FRK: variants seen among roughly 807,000 people sequenced by gnomAD.
FRK encodes tyrosine-protein kinase FRK.
FRK carries 51 observed loss-of-function variants against 56.4 expected under a neutral mutation model. That is an observed-to-expected ratio of 0.90 (90% CI 0.72 to 1.14). The LOEUF (loss-of-function observed/expected upper bound fraction) is 1.14. Among genes scored for constraint, FRK ranks in the 50% most tolerant of loss-of-function variants. The pLI is 0.00. For missense variants in FRK, 570 were observed against 601.4 expected (o/e 0.95, Z 0.55); for synonymous variants, 245 against 217.9 (o/e 1.12, Z -1.10).
Position 116,016,070 on chromosome 6 carries a change from T to C in FRK, c.345-12072A>G, listed in dbSNP as rs1049008418. Among the ~76,000 whole-genome samples, 7 of 152,328 alleles carry C rather than the reference T, an allele frequency of 4.6e-5. No individual in the cohort carries two copies. The East Asian group carries it at 9.6e-4, about 21-fold the overall frequency. ...TAAGTGACCAGGGGCCAAATGTTAA[T>C]AGCCAAGACAATGAAGAAAATGTCT... On this transcript the variant is annotated intron_variant, in intron 1 of 7. Coordinates refer to ENST00000606080, the MANE Select transcript of FRK (RefSeq NM_002031.3).
intron 1 of FRK, among the ~76,000 whole-genome samples, chr6:116,027,830 T>C (rs1441942127): frequency 6.6e-6 from 1 of 151,474 alleles, no homozygotes; most frequent in East Asian, 1.9e-4. Context: ...AACATGAGCT[T>C]TGAGTTTAAA....
At chr6:116,049,950 T>A (rs1403051507) in intron 1 of FRK, among the ~76,000 whole-genome samples, 1 of 152,176 alleles carries the variant, frequency 6.6e-6, no homozygotes, top group Non-Finnish European at 1.5e-5. Context: ...TCAGGACTGA[T>A]CTCTTCTATC....
intron 3 of FRK, 42 bp from the exon 4 acceptor site, chr6:115,967,761 AGTAGATTT>A: frequency 3.6e-6 from 5 of 1,402,938 alleles, no homozygotes; most frequent in Non-Finnish European, 4.8e-6. Flanking sequence ...AAAAAAAAAA[AGTAGATTT>A]AATATTATTT....
At chr6:116,078,702 G>C in the FRK span, among the ~76,000 whole-genome samples, 5 of 152,106 alleles carry the variant, frequency 3.3e-5, no homozygotes, top group Non-Finnish European at 2.9e-5. Context: ...AAACATTATT[G>C]ACACACTAAA....
chr6:116,028,100 C>G (rs979692857), intron 1 of FRK, among the ~76,000 whole-genome samples: 1 of 152,120 alleles, frequency 6.6e-6, no homozygotes, highest in African/African-American at 2.4e-5. Flanking sequence ...TCCCCACACA[C>G]CAAGCATTTC....
At chr6:115,976,295 T>G (rs1326353422) in intron 2 of FRK, among the ~76,000 whole-genome samples, 1 of 152,134 alleles carries the variant, frequency 6.6e-6, no homozygotes, top group Non-Finnish European at 1.5e-5. Flanking sequence ...TCTGCCCCAA[T>G]TCTACCCCAC....
In FRK at chr6:115,941,472, C is replaced by A. The variant is rs1772178741; in HGVS notation, c.*942G>T. On this transcript the variant is annotated 3_prime_UTR_variant, in exon 8 of 8. Transcript: ENST00000606080. ...CAAAACTGCACATTCTGCACATGCA[C>A]CCCAGAACTTAAACTATAATAAAAA... is the stretch of plus-strand genomic sequence containing the variant. 1 of 152,000 alleles carries A rather than the reference C, an allele frequency of 6.6e-6. No individual in the cohort carries two copies. The highest frequency in any genetic ancestry group is 1.5e-5 in the Non-Finnish European group (1 of 67,994). The allele number at this position is 152,000 out of a possible 1,614,324, so 9.4% of individuals were successfully genotyped here.
At chr6:115,989,757 G>C (rs1024402231) in intron 2 of FRK, among the ~76,000 whole-genome samples, 3 of 151,854 alleles carry the variant, frequency 2.0e-5, no homozygotes, top group Non-Finnish European at 2.9e-5. Context: ...TACAGGTGCA[G>C]GTGTCTTTTT....
intron 1 of FRK, among the ~76,000 whole-genome samples, chr6:116,015,089 C>T (rs377116434): frequency 6.6e-6 from 1 of 152,150 alleles, no homozygotes; most frequent in East Asian, 1.9e-4. Flanking sequence ...ATCACTTATT[C>T]ATTTTTTATT....
chr6:115,951,270 AAAAGTAT>A (rs1281294899), intron 5 of FRK, among the ~76,000 whole-genome samples: 1 of 152,206 alleles, frequency 6.6e-6, no homozygotes, highest in Admixed American at 6.5e-5. Context: ...TTTAAAGAAA[AAAAGTAT>A]ATACATGATC....
In FRK at chr6:115,943,086, A is replaced by T; in HGVS notation, c.1240T>A (p.Ser414Thr). The T allele has an allele frequency of 1.2e-6, 2 of 1,613,484 alleles. No homozygotes were observed. Among genetic ancestry groups the T allele is most frequent in the Non-Finnish European group, 1.7e-6 (2 of 1,179,704 alleles). ...AIRSNKFSIK[S>T]DVWSFGILLY... ...AGGATTCCAAATGACCATACATCGG[A>T]CTTAATGCTGAATTTATTACTACGA... is the stretch of plus-strand genomic sequence containing the variant. The change falls in exon 7 of 8, where the codon TCC becomes ACC. Residue 414 changes from serine to threonine, a missense_variant. Transcript: ENST00000606080.
At chr6:116,066,681 G>T in the FRK span, among the ~76,000 whole-genome samples, 1 of 152,036 alleles carries the variant, frequency 6.6e-6, no homozygotes, top group Non-Finnish European at 1.5e-5. Flanking sequence ...CACTCTTCTG[G>T]CTCTCTATGG....
intron 5 of FRK, among the ~76,000 whole-genome samples, chr6:115,952,929 G>T (rs1349551254): frequency 6.3e-5 from 7 of 110,368 alleles, no homozygotes; most frequent in Admixed American, 4.3e-4. Context: ...TGGTGGGGTG[G>T]GGGGAGGGGG....
chr6:115,953,031 C>T (rs980237524), intron 5 of FRK, among the ~76,000 whole-genome samples: 1 of 151,072 alleles, frequency 6.6e-6, no homozygotes, highest in Non-Finnish European at 1.5e-5. Flanking sequence ...AAGTAACTAA[C>T]CTGCACATTG....
intron 4 of FRK, among the ~76,000 whole-genome samples, chr6:115,958,657 A>T (rs199648898): frequency 3.5e-4 from 1 of 2,880 alleles, no homozygotes. Context: ...AGAAAGAAAG[A>T]AAGAAAGAAA....
chr6:116,017,671 A>T (rs1409005731), intron 1 of FRK, among the ~76,000 whole-genome samples: 1 of 152,228 alleles, frequency 6.6e-6, no homozygotes, highest in Non-Finnish European at 1.5e-5. Flanking sequence ...CAAGGCAAAT[A>T]GTCTAAGAAG....
intron 2 of FRK, among the ~76,000 whole-genome samples, chr6:115,975,954 C>T (rs1433436498): frequency 1.3e-5 from 2 of 152,038 alleles, no homozygotes; most frequent in Non-Finnish European, 2.9e-5. Flanking sequence ...TTATTCTGCA[C>T]GTTAACTTCT....
the FRK span, among the ~76,000 whole-genome samples, chr6:116,091,851 G>A: frequency 6.6e-5 from 10 of 152,210 alleles, no homozygotes; most frequent in African/African-American, 1.2e-4. Context: ...GAGGGTCGAC[G>A]GAGAGGAAAG....
At chr6:115,998,851 C>T (rs1774940808) in intron 2 of FRK, among the ~76,000 whole-genome samples, 2 of 152,134 alleles carry the variant, frequency 1.3e-5, no homozygotes, top group Admixed American at 1.3e-4. Flanking sequence ...GCCTTATGGC[C>T]TCAATGTAGT....
Sources: gnomAD v4.1 joint callset for allele counts (sites outside exome capture counted in the v4.1 genomes callset) on GRCh38, gnomAD v4.1.1 for gene constraint, MANE v1.5 for transcripts, NCBI Gene and HGNC (gene_info 2026-07-23, HGNC 2026-07-21) for gene names.